Variants in EPHA6 observed in about 807,000 individuals in gnomAD.
EPHA6 encodes the protein ephrin type-A receptor 6.
A neutral mutation model predicts 112.0 loss-of-function variants in EPHA6; 50 were observed. The observed-to-expected ratio is 0.45, with a 90% confidence interval of 0.36 to 0.56. The LOEUF is 0.56. Ranked by LOEUF, EPHA6 falls within the 20% of genes least tolerant of loss-of-function variation. The pLI, the probability that EPHA6 is intolerant of heterozygous loss-of-function variation, is 0.00. For synonymous variants in EPHA6, 529 were observed against 490.7 expected (o/e 1.08, Z -1.03); for missense variants, 1,280 against 1,417.4 (o/e 0.90, Z 1.56).
At chr3:97,606,916 T>A (rs1416342554) in intron 12 of EPHA6, among the ~76,000 whole-genome samples, 1 of 151,040 alleles carries the variant, frequency 6.6e-6, no homozygotes, top group African/African-American at 2.4e-5. Flanking sequence ...CTAACTGTAT[T>A]TTTTACAGTG....
At chr3:97,599,681 A>G (rs962027203) in intron 12 of EPHA6, among the ~76,000 whole-genome samples, 8 of 152,036 alleles carry the variant, frequency 5.3e-5, no homozygotes, top group African/African-American at 1.7e-4. Flanking sequence ...CTTGTAGTAT[A>G]GTTTGAAGTC....
intron 3 of EPHA6, among the ~76,000 whole-genome samples, chr3:97,029,411 G>A (rs765132555): frequency 4.6e-5 from 7 of 151,606 alleles, no homozygotes; most frequent in African/African-American, 1.7e-4. Context: ...TGAGGAAAAG[G>A]CCTAAAATAG....
intron 3 of EPHA6, among the ~76,000 whole-genome samples, chr3:97,099,293 A>G (rs1274008602): frequency 1.3e-5 from 2 of 151,870 alleles, no homozygotes; most frequent in Non-Finnish European, 2.9e-5. Flanking sequence ...TCAACTTTCT[A>G]ATTTCTAATT....
chr3:96,924,188 G>A (rs1157046696), intron 2 of EPHA6, among the ~76,000 whole-genome samples: 2 of 152,214 alleles, frequency 1.3e-5, no homozygotes, highest in Non-Finnish European at 1.5e-5. Flanking sequence ...TGTGAAGAAT[G>A]TCAGTGGTAG....
At chr3:97,224,947 T>C (rs1196171693) in intron 3 of EPHA6, among the ~76,000 whole-genome samples, 1 of 151,964 alleles carries the variant, frequency 6.6e-6, no homozygotes, top group East Asian at 1.9e-4. Context: ...TTTTTTGGGT[T>C]TTTTTGTTTG....
At chr3:97,473,986 C>T (rs548557788) in intron 7 of EPHA6, among the ~76,000 whole-genome samples, 1 of 151,930 alleles carries the variant, frequency 6.6e-6, no homozygotes, top group East Asian at 1.9e-4. Flanking sequence ...TAAATGACTT[C>T]AACTCTTTTG....
chr3:97,675,529 A>G (rs1270712421), intron 14 of EPHA6, among the ~76,000 whole-genome samples: 3 of 152,252 alleles, frequency 2.0e-5, no homozygotes, highest in South Asian at 4.1e-4. Context: ...GACATCCCAA[A>G]GAATCTACAT....
chr3:96,951,321 A>G (rs905508816), intron 2 of EPHA6, among the ~76,000 whole-genome samples: 4 of 152,012 alleles, frequency 2.6e-5, no homozygotes, highest in African/African-American at 9.7e-5. Context: ...TAAGTTTTTT[A>G]TTTTTGTATT....
chr3:96,920,777 G>C (rs1166538377), intron 2 of EPHA6, among the ~76,000 whole-genome samples: 1 of 151,828 alleles, frequency 6.6e-6, no homozygotes, highest in African/African-American at 2.4e-5. Context: ...CCATTAAATG[G>C]CTTGAACTTA....
intron 11 of EPHA6, among the ~76,000 whole-genome samples, chr3:97,559,326 A>C (rs1177353887): frequency 6.6e-6 from 1 of 152,062 alleles, no homozygotes; most frequent in East Asian, 1.9e-4. Context: ...TGATAATAAC[A>C]GGAGAGAACT....
chr3:97,538,397 A>G (rs949160488), intron 11 of EPHA6, among the ~76,000 whole-genome samples: 1 of 152,156 alleles, frequency 6.6e-6, no homozygotes, highest in Non-Finnish European at 1.5e-5. Flanking sequence ...TGGAGAAATA[A>G]CAGATCTAGA....
chr3:97,685,770 C>T (rs552939375), intron 14 of EPHA6, among the ~76,000 whole-genome samples: 30 of 152,200 alleles, frequency 2.0e-4, no homozygotes, highest in African/African-American at 6.5e-4. Context: ...TTGTAAACGG[C>T]GAACGATGAT....
At chr3:97,604,674 A>T (rs2093667668) in intron 12 of EPHA6, among the ~76,000 whole-genome samples, 1 of 151,668 alleles carries the variant, frequency 6.6e-6, no homozygotes, top group South Asian at 2.1e-4. Flanking sequence ...ACATGATATT[A>T]TTCTCATTTT....
intron 13 of EPHA6, among the ~76,000 whole-genome samples, chr3:97,614,360 G>A (rs1346834325): frequency 7.0e-6 from 1 of 141,910 alleles, no homozygotes; most frequent in Non-Finnish European, 1.5e-5. Context: ...TTTTGAGACA[G>A]AGTCTTGCTC....
chr3:97,132,045 C>T (rs185878426), intron 3 of EPHA6, among the ~76,000 whole-genome samples: 53 of 152,078 alleles, frequency 3.5e-4, no homozygotes, highest in African/African-American at 1.1e-3. Flanking sequence ...TAATATTACC[C>T]ATGTGTGAAA....
intron 2 of EPHA6, among the ~76,000 whole-genome samples, chr3:96,878,226 G>A (rs1055748696): frequency 2.6e-5 from 4 of 151,730 alleles, no homozygotes; most frequent in African/African-American, 4.8e-5. Flanking sequence ...TATACTAATC[G>A]TTTGGATGAC....
chr3:97,626,913 A>G (rs1216380444), intron 13 of EPHA6, among the ~76,000 whole-genome samples: 1 of 151,878 alleles, frequency 6.6e-6, no homozygotes, highest in African/African-American at 2.4e-5. Flanking sequence ...AGAAATGACA[A>G]CTTCCAGATG....
At chr3:97,718,028 C>T (rs974859331) in intron 14 of EPHA6, among the ~76,000 whole-genome samples, 1 of 152,184 alleles carries the variant, frequency 6.6e-6, no homozygotes, top group Non-Finnish European at 1.5e-5. Context: ...ATATTGTTTT[C>T]TGGAACAAAG....
At chr3:97,185,537 G>C (rs1011194183) in intron 3 of EPHA6, among the ~76,000 whole-genome samples, 2 of 151,902 alleles carry the variant, frequency 1.3e-5, no homozygotes, top group African/African-American at 2.4e-5. Context: ...CAATTAGAAT[G>C]GTGATGATCA....
Sources: allele counts gnomAD v4.1 joint callset (sites outside exome capture counted in the v4.1 genomes callset), GRCh38; gene constraint gnomAD v4.1.1; transcripts MANE v1.5; gene names NCBI Gene and HGNC (gene_info 2026-07-23, HGNC 2026-07-21).